The following OPRM1 variants were observed in gnomAD, a reference collection of about 807,000 sequenced individuals.
OPRM1 encodes opioid receptor mu 1.
Under a neutral mutation model 31.8 loss-of-function variants are expected in OPRM1, and 27 were observed. The observed-to-expected ratio is 0.85, with a 90% CI of 0.63 to 1.17. The LOEUF is 1.17. Ranked by LOEUF, OPRM1 falls within the 50% of genes most tolerant of loss-of-function variation. The pLI is 0.00. For missense variants in OPRM1, 536 were observed against 511.1 expected (o/e 1.05, Z -0.47); for synonymous variants, 196 against 189.9 (o/e 1.03, Z -0.26).
intron 3 of OPRM1, among the ~76,000 whole-genome samples, chr6:154,211,043 T>C (rs1004385415): frequency 1.3e-5 from 2 of 152,152 alleles, no homozygotes; most frequent in African/African-American, 4.8e-5. Flanking sequence ...AAAGGTCTGG[T>C]AAGTGAATGA....
rs558948 is a variant in OPRM1 at position 154,120,729 on chromosome 6, C to T, written c.*2008C>T. Among the ~76,000 whole-genome samples, 30,719 of 152,074 alleles carry T rather than the reference C, an allele frequency of 0.2. 3,349 individuals are homozygous for T. Among genetic ancestry groups the T allele is most frequent in the Non-Finnish European group, 0.25 (17,009 of 67,944 alleles). ...TCTCCCAAGAGATGACATAGTATTGCTTTTGCTCATCAGGCTGTTTCTCAG... is the reference window on the plus strand; with the variant it reads ...TCTCCCAAGAGATGACATAGTATTGTTTTTGCTCATCAGGCTGTTTCTCAG... On this transcript the variant is annotated 3_prime_UTR_variant, in exon 4 of 4. Coordinates refer to ENST00000330432, the MANE Select transcript of OPRM1 (RefSeq NM_000914.5).
chr6:154,221,407 T>C, intron 3 of OPRM1: 1 of 1,099,352 alleles, frequency 9.1e-7, no homozygotes, highest in Middle Eastern at 2.0e-4. Flanking sequence ...ATCAGTAAAA[T>C]ACAAGCTTTG....
At chr6:154,031,578 T>C (rs1464983836) in intron 1 of OPRM1, among the ~76,000 whole-genome samples, 1 of 147,952 alleles carries the variant, frequency 6.8e-6, no homozygotes, top group Admixed American at 6.7e-5. Flanking sequence ...CTACTAAAAA[T>C]ACAAAAAAAA....
chr6:154,242,987 T>C (rs1583888631), intron 3 of OPRM1, among the ~76,000 whole-genome samples: 1 of 152,304 alleles, frequency 6.6e-6, no homozygotes, highest in East Asian at 1.9e-4. Context: ...GAAGGCTATT[T>C]AAGCTAAAAT....
chr6:154,144,515 G>A (rs561023775), intron 3 of OPRM1, among the ~76,000 whole-genome samples: 1 of 152,168 alleles, frequency 6.6e-6, no homozygotes, highest in South Asian at 2.1e-4. Context: ...GGGAGTCTCA[G>A]GCAGGTGGAT....
intron 3 of OPRM1, among the ~76,000 whole-genome samples, chr6:154,209,888 G>A (rs1211075473): frequency 1.3e-5 from 2 of 152,120 alleles, no homozygotes; most frequent in African/African-American, 4.8e-5. Context: ...GAAAATGTTA[G>A]CATTAATGGC....
intron 3 of OPRM1, among the ~76,000 whole-genome samples, chr6:154,183,331 T>C (rs933656989): frequency 1.3e-5 from 2 of 152,206 alleles, no homozygotes; most frequent in Non-Finnish European, 2.9e-5. Flanking sequence ...ATGACTATTA[T>C]CTACTGCAAT....
Position 154,039,682 on chromosome 6 carries a change from T to C in OPRM1, c.138T>C (p.Gly46=). The C allele has an allele frequency of 6.2e-7, 1 of 1,614,018 alleles. No homozygotes were observed. The highest frequency in any genetic ancestry group is 1.1e-5 in the South Asian group (1 of 91,074). Residue 46 remains glycine, a synonymous_variant, in exon 1 of 4, where the codon GGT becomes GGC. Coordinates refer to ENST00000330432, the MANE Select transcript of OPRM1 (RefSeq NM_000914.5). Reference sequence around the variant, plus strand: ...ATGGCAACCTGTCCGACCCATGCGGTCCGAACCGCACCGACCTGGGCGGGA... The same window carrying C: ...ATGGCAACCTGTCCGACCCATGCGGCCCGAACCGCACCGACCTGGGCGGGA... ...HLDGNLSDPC[G]PNRTDLGGRD...
intron 1 of OPRM1, among the ~76,000 whole-genome samples, chr6:154,016,958 G>T (rs764549808): frequency 2.0e-5 from 3 of 152,120 alleles, no homozygotes; most frequent in Non-Finnish European, 2.9e-5. Flanking sequence ...AATGATTGGG[G>T]TTTGTTCCCT....
chr6:154,176,540 G>A (rs1189195705), intron 3 of OPRM1, among the ~76,000 whole-genome samples: 4 of 152,122 alleles, frequency 2.6e-5, no homozygotes, highest in Non-Finnish European at 5.9e-5. Context: ...CAGACAGAGA[G>A]CCAAATCATG....
chr6:154,203,936 G>T (rs964551890), intron 3 of OPRM1, among the ~76,000 whole-genome samples: 1 of 152,130 alleles, frequency 6.6e-6, no homozygotes, highest in Non-Finnish European at 1.5e-5. Flanking sequence ...GGGGCTATCG[G>T]TGCCAATTAC....
intron 1 of OPRM1, among the ~76,000 whole-genome samples, chr6:154,049,807 T>C (rs1317944040): frequency 6.6e-6 from 1 of 151,932 alleles, no homozygotes; most frequent in Non-Finnish European, 1.5e-5. Flanking sequence ...ATACAGCGCA[T>C]TGATTGATTT....
rs7763593 is a variant in OPRM1, at chr6:154,201,642, C to A, written c.1165-45051C>A. ...AGGCGCGGTGGCTCATGCCTGTAAT[C>A]CCAGCACTTTGGGAGGCCGAGGTGG... On this transcript the variant is annotated intron_variant, in intron 3 of 3. Transcript: ENST00000337049. 4.8e-3 allele frequency among the ~76,000 whole-genome samples: 734 copies of A among 152,308 alleles called. 2 individuals are homozygous for A. The highest frequency in any genetic ancestry group is 0.017 in the African/African-American group (695 of 41,562).
Position 154,118,915 on chromosome 6 carries a change from G to C in OPRM1, c.*194G>C. ...CAGCCAAAAGTAAGTGGAGCATTTG[G>C]AAGGAAAGGAATATACCACACCGAG... On this transcript the variant is annotated 3_prime_UTR_variant, in exon 4 of 4. Transcript: ENST00000330432. 1 of 1,397,962 alleles carries C rather than the reference G, an allele frequency of 7.2e-7. No individual in the cohort carries two copies. The highest frequency in any genetic ancestry group is 9.3e-7 in the Non-Finnish European group (1 of 1,079,948). 86.6% of individuals were successfully genotyped at this position (1,397,962 alleles called of 1,614,324 possible).
intron 3 of OPRM1, among the ~76,000 whole-genome samples, chr6:154,099,876 A>G (rs1006855230): frequency 2.7e-5 from 4 of 146,040 alleles, no homozygotes; most frequent in Admixed American, 6.9e-5. Flanking sequence ...CATATGATAT[A>G]TATCATAACA....
intron 1 of OPRM1, among the ~76,000 whole-genome samples, chr6:154,014,615 C>T (rs1160334133): frequency 1.3e-5 from 2 of 151,958 alleles, no homozygotes; most frequent in Non-Finnish European, 2.9e-5. Context: ...AGAGATTTCA[C>T]CATAAGCTAT....
intron 3 of OPRM1, among the ~76,000 whole-genome samples, chr6:154,208,546 A>T (rs1461604910): frequency 2.0e-5 from 3 of 152,216 alleles, no homozygotes; most frequent in Non-Finnish European, 4.4e-5. Flanking sequence ...TGGCTCCATG[A>T]TGAACATGAA....
chr6:154,097,825 C>T (rs1025843246), intron 3 of OPRM1, among the ~76,000 whole-genome samples: 23 of 152,050 alleles, frequency 1.5e-4, no homozygotes, highest in African/African-American at 5.3e-4. Context: ...CATTTTGTGT[C>T]TGGGATGGGA....
chr6:154,078,685 A>G (rs897070014), intron 1 of OPRM1, among the ~76,000 whole-genome samples: 1 of 152,204 alleles, frequency 6.6e-6, no homozygotes, highest in African/African-American at 2.4e-5. Flanking sequence ...AGCCTGGGCA[A>G]CATGGCAAAA....
Sources: gnomAD v4.1 joint callset for allele counts (sites outside exome capture counted in the v4.1 genomes callset) on GRCh38, gnomAD v4.1.1 for gene constraint, MANE v1.5 for transcripts, NCBI Gene and HGNC (gene_info 2026-07-23, HGNC 2026-07-21) for gene names.